Variants in GHR observed in about 807,000 individuals in gnomAD.
The protein encoded by GHR is growth hormone receptor.
A neutral mutation model predicts 67.1 loss-of-function variants in GHR; 35 were observed. The ratio of observed to expected loss-of-function variants is 0.52; its 90% confidence interval spans 0.40 to 0.69. GHR has a LOEUF of 0.69. Among genes scored for constraint, GHR ranks in the 30% least tolerant of loss-of-function variants. GHR has a pLI of 0.00. For synonymous variants in GHR, 272 were observed against 269.1 expected, an observed-to-expected ratio of 1.01 and a Z score of -0.10; for missense variants, 792 against 764.6, an observed-to-expected ratio of 1.04 and a Z score of -0.42.
intron 1 of GHR, among the ~76,000 whole-genome samples, chr5:42,530,145 A>G (rs944565028): frequency 6.6e-6 from 1 of 152,056 alleles, no homozygotes; most frequent in African/African-American, 2.4e-5. Context: ...AATGATCACC[A>G]TGATCAAATT....
chr5:42,483,743 G>C (rs1745758637), intron 1 of GHR, among the ~76,000 whole-genome samples: 1 of 152,154 alleles, frequency 6.6e-6, no homozygotes, highest in South Asian at 2.1e-4. Context: ...CCATAACATT[G>C]TCGTTAACAT....
At position 42,534,867 on chromosome 5, in the gene GHR, C is replaced by T. The variant is rs1187147045; in HGVS notation, c.-11-30997C>T. On this transcript the variant is annotated intron_variant, in intron 1 of 9. Transcript: ENST00000230882. ...TTTATTATGGCCATCCTTGCAGGAG[C>T]AACATGGTATCACATTGTGGTTTTG... Among the ~76,000 whole-genome samples, 3 of 151,798 alleles carry T rather than the reference C, an allele frequency of 2.0e-5. No homozygotes were observed. In the East Asian group the frequency reaches 5.8e-4, roughly 29 times the overall value.
chr5:42,587,455 T>A (rs1751536554), intron 2 of GHR, among the ~76,000 whole-genome samples: 1 of 152,162 alleles, frequency 6.6e-6, no homozygotes, highest in Non-Finnish European at 1.5e-5. Context: ...CCAGAAAGGA[T>A]AAATTTTGGT....
At chr5:42,480,530 T>C (rs1234170873) in intron 1 of GHR, among the ~76,000 whole-genome samples, 1 of 152,200 alleles carries the variant, frequency 6.6e-6, no homozygotes, top group Non-Finnish European at 1.5e-5. Context: ...CTAAGTCTCT[T>C]AGTACGTCAC....
At chr5:42,545,451 C>A (rs897161595) in intron 1 of GHR, among the ~76,000 whole-genome samples, 4 of 151,982 alleles carry the variant, frequency 2.6e-5, no homozygotes, top group East Asian at 1.9e-4. Context: ...AAAAAGGAAT[C>A]CAGAATTTAT....
At chr5:42,507,530 T>C (rs1268545491) in intron 1 of GHR, among the ~76,000 whole-genome samples, 1 of 152,178 alleles carries the variant, frequency 6.6e-6, no homozygotes, top group East Asian at 1.9e-4. Flanking sequence ...ATGGTGGAAT[T>C]CAAAATGGTG....
intron 2 of GHR, among the ~76,000 whole-genome samples, chr5:42,610,350 G>A (rs1474580101): frequency 6.6e-6 from 1 of 152,100 alleles, no homozygotes; most frequent in African/African-American, 2.4e-5. Flanking sequence ...CCCAGTACAT[G>A]TACTCCACTC....
At position 42,423,748 on chromosome 5, in the gene GHR, C is replaced by T; in HGVS notation, c.-219C>T. The T allele has an allele frequency of 6.4e-6, 1 of 157,364 alleles. No homozygotes were observed. The highest frequency in any genetic ancestry group is 1.4e-5 in the Non-Finnish European group (1 of 71,654). The allele number at this position is 157,364 out of a possible 1,614,324, so 9.7% of individuals were successfully genotyped here. Reference sequence around the variant, plus strand: ...CGCGAGCTGCCAAGCAGGGCGCAGCCATGGGAAGAGGAGGAGGGCTAGGGA... The same window carrying T: ...CGCGAGCTGCCAAGCAGGGCGCAGCTATGGGAAGAGGAGGAGGGCTAGGGA... On this transcript the variant is annotated 5_prime_UTR_variant, in exon 1 of 10. Transcript: ENST00000230882.
In GHR at chr5:42,624,876, T is replaced by G. The variant is rs577383519; in HGVS notation, c.71-4162T>G. ...AGAAAATAATGGTAATAATAAAAAC[T>G]TAGAGTATCAAAGCAGCAAGTAGAT... is the stretch of plus-strand genomic sequence containing the variant. On this transcript the variant is annotated intron_variant, in intron 2 of 9. Transcript: ENST00000230882. Among the ~76,000 whole-genome samples the G allele has an allele frequency of 2.6e-5, 4 of 152,284 alleles. No homozygotes were observed. The South Asian group carries it at 8.3e-4, about 32-fold the overall frequency.
At chr5:42,426,688 G>C (rs1203542811) in intron 1 of GHR, among the ~76,000 whole-genome samples, 1 of 152,104 alleles carries the variant, frequency 6.6e-6, no homozygotes, top group Non-Finnish European at 1.5e-5. Context: ...CAATTGATAA[G>C]AATCGAAGTT....
At chr5:42,590,225 G>A (rs1751703694) in intron 2 of GHR, among the ~76,000 whole-genome samples, 1 of 152,154 alleles carries the variant, frequency 6.6e-6, no homozygotes. Context: ...TAAGCAGTTG[G>A]TCAAAGTATT....
At chr5:42,579,165 TAG>T (rs774059404) in intron 2 of GHR, among the ~76,000 whole-genome samples, 6 of 138,932 alleles carry the variant, frequency 4.3e-5, no homozygotes, top group East Asian at 3.9e-4. Flanking sequence ...GATAGATAGA[TAG>T]ATAGATAGAT....
At chr5:42,456,121 G>A (rs2221712) in intron 1 of GHR, among the ~76,000 whole-genome samples, 32,959 of 152,130 alleles carry the variant, frequency 0.22, 3,909 homozygotes, top group African/African-American at 0.29. Flanking sequence ...GAACATCCTG[G>A]CCAAGATGGT....
chr5:42,528,257 A>G (rs908855858), intron 1 of GHR, among the ~76,000 whole-genome samples: 1 of 152,156 alleles, frequency 6.6e-6, no homozygotes, highest in Non-Finnish European at 1.5e-5. Flanking sequence ...AACCTTATGG[A>G]AAGGATTTAC....
chr5:42,467,733 G>T lies in GHR; in HGVS notation c.-12+43778G>T, dbSNP rs1050075943. The T allele has an allele frequency of 2.6e-6, 4 of 1,559,228 alleles. 1 individual carries two copies. The African/African-American group carries it at 5.4e-5, about 21-fold the overall frequency. On this transcript the variant is annotated intron_variant, in intron 1 of 9. Transcript: ENST00000230882. Reference sequence around the variant, plus strand: ...CATGACATTCAAAAGGTTTCTCCCCGGTGTGGATTCTCTGATGCACAACGA... The same window carrying T: ...CATGACATTCAAAAGGTTTCTCCCCTGTGTGGATTCTCTGATGCACAACGA...
At chr5:42,529,024 T>G (rs911959166) in intron 1 of GHR, among the ~76,000 whole-genome samples, 2 of 152,000 alleles carry the variant, frequency 1.3e-5, no homozygotes, top group African/African-American at 2.4e-5. Flanking sequence ...TTTTTTTTTT[T>G]TTTTTGAGAC....
chr5:42,586,500 C>T (rs1409473880), intron 2 of GHR, among the ~76,000 whole-genome samples: 1 of 152,172 alleles, frequency 6.6e-6, no homozygotes, highest in Non-Finnish European at 1.5e-5. Flanking sequence ...TAAGATAGGA[C>T]AGTTGGATTT....
At chr5:42,543,530 C>T (rs759154535) in intron 1 of GHR, among the ~76,000 whole-genome samples, 2 of 152,042 alleles carry the variant, frequency 1.3e-5, no homozygotes, top group Admixed American at 6.6e-5. Flanking sequence ...GTTTTTTTCT[C>T]TAATACTTTT....
chr5:42,662,373 A>T (rs1440304131), intron 3 of GHR, among the ~76,000 whole-genome samples: 1 of 152,214 alleles, frequency 6.6e-6, no homozygotes, highest in East Asian at 1.9e-4. Flanking sequence ...CTCCTCAGCA[A>T]ATGGAAAAAA....
Sources: gnomAD v4.1 joint callset for allele counts (sites outside exome capture counted in the v4.1 genomes callset) on GRCh38, gnomAD v4.1.1 for gene constraint, MANE v1.5 for transcripts, NCBI Gene and HGNC (gene_info 2026-07-23, HGNC 2026-07-21) for gene names.